SEC24B: variants seen among roughly 807,000 people sequenced by gnomAD.
SEC24B encodes protein transport protein Sec24B.
SEC24B carries 45 observed loss-of-function variants against 142.8 expected under a neutral mutation model. The ratio of observed to expected loss-of-function variants is 0.32; its 90% CI spans 0.25 to 0.40. SEC24B has a LOEUF of 0.40. SEC24B is among the 10% of genes least tolerant of loss of function. The probability of loss-of-function intolerance (pLI) is 1.00; values close to 1 mark genes in which losing one functional copy is unlikely to be tolerated. For missense variants in SEC24B, 1,409 were observed against 1,526.8 expected (o/e 0.92, Z 1.29); for synonymous variants, 574 against 568.2 (o/e 1.01, Z -0.15).
intron 1 of SEC24B, among the ~76,000 whole-genome samples, chr4:109,440,883 C>T (rs554758104): frequency 6.6e-6 from 1 of 152,306 alleles, no homozygotes; most frequent in African/African-American, 2.4e-5. Flanking sequence ...CCAGCTCCCT[C>T]TCCCCTTTTT....
chr4:109,491,520 A>C, intron 5 of SEC24B, 113 bp downstream of exon 5: 1 of 756,082 alleles, frequency 1.3e-6, no homozygotes, highest in South Asian at 2.1e-5. Context: ...TAACAAGAAA[A>C]AAAGGACATT....
intron 3 of SEC24B, among the ~76,000 whole-genome samples, chr4:109,480,606 A>G (rs1733639695): frequency 6.6e-6 from 1 of 151,976 alleles, no homozygotes; most frequent in African/African-American, 2.4e-5. Context: ...CCAGCCTCCC[A>G]AGTAGCTGGG....
Position 109,538,500 on chromosome 4 carries a change from T to C in SEC24B, c.3596T>C (p.Leu1199Pro), listed in dbSNP as rs764597180. 1 of 1,610,172 alleles carries C rather than the reference T, an allele frequency of 6.2e-7. No individual in the cohort carries two copies. The highest frequency in any genetic ancestry group is 8.5e-7 in the Non-Finnish European group (1 of 1,176,510). Reference sequence around the variant, plus strand: ...TTGTATTTCTTTTACCAGACACATCTTCCAGAGCTAGATACACTTTCATCA... The same window carrying C: ...TTGTATTTCTTTTACCAGACACATCCTCCAGAGCTAGATACACTTTCATCA... ...FASIPQKMTHLPELDTLSSER... is the reference protein window; with the variant it reads ...FASIPQKMTHPPELDTLSSER... Residue 1199 changes from leucine to proline, a missense_variant, in exon 23 of 24, where the codon CTT becomes CCT. Leu to Pro is a moderately conservative substitution (Grantham distance 98). Around this residue, in one of 2 missense-constraint regions of SEC24B, gnomAD observed 700 missense variants for 853.3 expected, o/e 0.82. Coordinates refer to ENST00000265175, the MANE Select transcript of SEC24B (RefSeq NM_006323.5).
At chr4:109,471,461 A>G (rs1732521158) in intron 2 of SEC24B, among the ~76,000 whole-genome samples, 1 of 152,182 alleles carries the variant, frequency 6.6e-6, no homozygotes, top group African/African-American at 2.4e-5. Context: ...TTAGACAATT[A>G]TATCTTTCTC....
At chr4:109,471,713 G>A (rs1419496799) in intron 2 of SEC24B, among the ~76,000 whole-genome samples, 1 of 152,120 alleles carries the variant, frequency 6.6e-6, no homozygotes, top group African/African-American at 2.4e-5. Context: ...CTAGCAGTTG[G>A]TGCAGACTCT....
At chr4:109,498,600 G>C (rs1444202881) in intron 6 of SEC24B, among the ~76,000 whole-genome samples, 1 of 152,114 alleles carries the variant, frequency 6.6e-6, no homozygotes, top group African/African-American at 2.4e-5. Flanking sequence ...TCCTGACCTC[G>C]TTATCTGCCC....
intron 23 of SEC24B, among the ~76,000 whole-genome samples, chr4:109,539,014 T>C (rs1725879310): frequency 6.6e-6 from 1 of 151,880 alleles, no homozygotes. Flanking sequence ...CGGGCTGGAG[T>C]GCGATGGTGC....
intron 1 of SEC24B, 24 bp downstream of exon 1, chr4:109,434,026 G>A (rs1728122929): frequency 5.4e-6 from 6 of 1,108,938 alleles, no homozygotes; most frequent in Non-Finnish European, 6.6e-6. Flanking sequence ...CCCGGGCGGA[G>A]CGCGGGGCCT....
At chr4:109,467,181 C>T in intron 2 of SEC24B, among the ~76,000 whole-genome samples, 1 of 151,374 alleles carries the variant, frequency 6.6e-6, no homozygotes, top group South Asian at 2.1e-4. Context: ...AAAAAATTAG[C>T]CGGGCGTGGT....
intron 11 of SEC24B, among the ~76,000 whole-genome samples, chr4:109,517,947 G>GTTTA (rs72178897): frequency 0.033 from 4,376 of 133,648 alleles, 82 homozygotes; most frequent in Non-Finnish European, 0.048. Flanking sequence ...TTGTTTGTTT[G>GTTTA]TTTATTTATT....
Position 109,450,519 on chromosome 4 carries a change from G to A in SEC24B, c.134-12382G>A, listed in dbSNP as rs546126296. On this transcript the variant is annotated intron_variant, in intron 1 of 23. Transcript: ENST00000265175. ...CTAAAAATACAAAAATTAGCTGGAC[G>A]CAGTGGCAGGCACCTGTAATCCCAG... 9.9e-5 allele frequency among the ~76,000 whole-genome samples: 15 copies of A among 151,808 alleles called. No individual in the cohort carries two copies. The East Asian group carries it at 2.3e-3, about 24-fold the overall frequency.
In SEC24B at chr4:109,512,397, G is replaced by A. The variant is rs186076663; in HGVS notation, c.1903+314G>A. On this transcript the variant is annotated intron_variant, in intron 9 of 23. Transcript: ENST00000265175. ...AGATTGTCTTACATTTGTATATTTGGTTCATTCAACTCAGGTAGAACTTTG... is the reference window on the plus strand; with the variant it reads ...AGATTGTCTTACATTTGTATATTTGATTCATTCAACTCAGGTAGAACTTTG... Among the ~76,000 whole-genome samples, 48 of 152,212 alleles carry A rather than the reference G, an allele frequency of 3.2e-4. 1 individual carries two copies. The highest frequency in any genetic ancestry group is 3.1e-3 in the Admixed American group (48 of 15,282).
At chr4:109,466,323 A>G (rs561906747) in intron 2 of SEC24B, among the ~76,000 whole-genome samples, 54 of 152,346 alleles carry the variant, frequency 3.5e-4, no homozygotes, top group African/African-American at 1.3e-3. Flanking sequence ...AATGTTCTAG[A>G]AAGTCTGGCA....
chr4:109,492,150 C>CT (rs1268435552), intron 5 of SEC24B, among the ~76,000 whole-genome samples: 5 of 141,160 alleles, frequency 3.5e-5, no homozygotes, highest in Non-Finnish European at 6.1e-5. Flanking sequence ...ATGTTCTATA[C>CT]TTAAAAAAAA....
chr4:109,516,957 A>G (rs1723001478), intron 11 of SEC24B, among the ~76,000 whole-genome samples: 1 of 152,190 alleles, frequency 6.6e-6, no homozygotes. Context: ...GGATGAGACT[A>G]TCAAAAAGAC....
At chr4:109,519,633 A>G (rs1371412605) in intron 11 of SEC24B, among the ~76,000 whole-genome samples, 1 of 152,236 alleles carries the variant, frequency 6.6e-6, no homozygotes, top group East Asian at 1.9e-4. Flanking sequence ...CTGTGGAAAC[A>G]TCATAAATAT....
chr4:109,529,167 G>T (rs1343004916), intron 18 of SEC24B, among the ~76,000 whole-genome samples: 1 of 151,890 alleles, frequency 6.6e-6, no homozygotes, highest in Admixed American at 6.6e-5. Flanking sequence ...TGTCTCGGGG[G>T]TGGGGGGAAA....
chr4:109,464,615 C>T (rs770966831), intron 2 of SEC24B, among the ~76,000 whole-genome samples: 4 of 152,046 alleles, frequency 2.6e-5, no homozygotes, highest in African/African-American at 4.8e-5. Context: ...GCTTTTGAAC[C>T]GAATGAAAAT....
At position 109,463,296 on chromosome 4, in the gene SEC24B, C is replaced by T. The variant is rs942226097; in HGVS notation, c.529C>T (p.Pro177Ser). The change falls in exon 2 of 24, where the codon CCC becomes TCC. Residue 177 changes from proline (P) to serine (S), a missense_variant. Around this residue, in one of 2 missense-constraint regions of SEC24B, gnomAD observed 709 missense variants for 673.5 expected, o/e 1.05. Coordinates refer to ENST00000265175, the MANE Select transcript of SEC24B (RefSeq NM_006323.5). Reference protein sequence around the residue: ...ASSSVASQGFPSTCGHYAMST... With the variant: ...ASSSVASQGFSSTCGHYAMST... ...CTCTTCTGTTGCGTCTCAGGGATTT[C>T]CCTCTACTTGTGGTCATTATGCTAT... 6.2e-7 allele frequency: 1 copy of T among 1,614,076 alleles called. No homozygotes were observed. The highest frequency in any genetic ancestry group is 8.5e-7 in the Non-Finnish European group (1 of 1,180,040).
Sources: gnomAD v4.1 joint callset for allele counts (sites outside exome capture counted in the v4.1 genomes callset) on GRCh38, gnomAD v4.1.1 for gene constraint, gnomAD v4.1.1 regional missense constraint, MANE v1.5 for transcripts, NCBI Gene and HGNC (gene_info 2026-07-23, HGNC 2026-07-21) for gene names.